Variants in NEK7 observed in about 807,000 individuals in gnomAD.
NEK7 encodes the protein NIMA related kinase 7.
A neutral mutation model predicts 44.6 loss-of-function variants in NEK7; 18 were observed. The observed-to-expected ratio is 0.40, with a 90% CI of 0.28 to 0.60. The LOEUF (loss-of-function observed/expected upper bound fraction) is 0.60, where lower values mean the gene tolerates loss of function less well. NEK7 is among the 20% of genes least tolerant of loss of function. The pLI is 0.38. For missense variants in NEK7, 256 were observed against 366.5 expected (o/e 0.70, Z 2.46); for synonymous variants, 130 against 121.1 (o/e 1.07, Z -0.48).
intron 8 of NEK7, among the ~76,000 whole-genome samples, chr1:198,294,316 A>G (rs1273798449): frequency 6.6e-6 from 1 of 152,018 alleles, no homozygotes; most frequent in Non-Finnish European, 1.5e-5. Flanking sequence ...ACTGTGTTAT[A>G]TTTTGTTAAT....
At chr1:198,195,515 T>C (rs1024908588) in intron 1 of NEK7, among the ~76,000 whole-genome samples, 2 of 152,190 alleles carry the variant, frequency 1.3e-5, no homozygotes, top group Non-Finnish European at 2.9e-5. Context: ...TTTTAACTTG[T>C]CTTTGAAATT....
At chr1:198,213,750 A>G (rs1397666182) in intron 1 of NEK7, among the ~76,000 whole-genome samples, 1 of 152,040 alleles carries the variant, frequency 6.6e-6, no homozygotes, top group African/African-American at 2.4e-5. Flanking sequence ...GAAAGATGTC[A>G]GTGGATTTCA....
chr1:198,184,460 A>C (rs1307127416), intron 1 of NEK7, among the ~76,000 whole-genome samples: 1 of 152,228 alleles, frequency 6.6e-6, no homozygotes, highest in African/African-American at 2.4e-5. Flanking sequence ...TTAAATAGTC[A>C]AACTGCTTAC....
intron 3 of NEK7, 113 bp from the exon 4 acceptor site, chr1:198,262,458 CAGAA>C (rs1241995501): frequency 4.8e-6 from 3 of 622,420 alleles, no homozygotes; most frequent in African/African-American, 1.9e-5. Context: ...AAAAGCTAAT[CAGAA>C]AGAAAATTCC....
Position 198,243,207 on chromosome 1 carries a change from C to T in NEK7, c.58-9833C>T, listed in dbSNP as rs146892780. Among the ~76,000 whole-genome samples, 222 of 152,296 alleles carry T rather than the reference C, an allele frequency of 1.5e-3. 1 individual carries two copies. The highest frequency in any genetic ancestry group is 5.1e-3 in the African/African-American group (214 of 41,556). On this transcript the variant is annotated intron_variant, in intron 2 of 9. Transcript: ENST00000367385. ...CCCTAAATTAACCAACCTAAAATAA[C>T]TATCCACTGGTTTTCTGTCACATTC...
intron 1 of NEK7, among the ~76,000 whole-genome samples, chr1:198,221,499 C>G (rs1285049767): frequency 6.6e-6 from 1 of 150,868 alleles, no homozygotes; most frequent in African/African-American, 2.4e-5. Context: ...TAAAATGCAC[C>G]AATGATTTTT....
At chr1:198,244,926 T>C (rs1344367021) in intron 2 of NEK7, among the ~76,000 whole-genome samples, 1 of 152,178 alleles carries the variant, frequency 6.6e-6, no homozygotes, top group East Asian at 1.9e-4. Flanking sequence ...TTTGTGCAGC[T>C]GAAAACCTGT....
chr1:198,212,902 C>T (rs2102822786), intron 1 of NEK7, among the ~76,000 whole-genome samples: 1 of 152,254 alleles, frequency 6.6e-6, no homozygotes, highest in South Asian at 2.1e-4. Context: ...TCATCATTGC[C>T]TGAGTCATTC....
At chr1:198,181,239 G>T (rs528748882) in intron 1 of NEK7, among the ~76,000 whole-genome samples, 6 of 151,962 alleles carry the variant, frequency 3.9e-5, no homozygotes, top group South Asian at 4.2e-4. Context: ...AAAACTTCTT[G>T]GTGTTTTTGA....
chr1:198,225,537 A>G (rs1666194355), intron 1 of NEK7, among the ~76,000 whole-genome samples: 1 of 151,780 alleles, frequency 6.6e-6, no homozygotes, highest in Admixed American at 6.6e-5. Context: ...AAGATAGTGA[A>G]CTTCTCTCTC....
chr1:198,256,585 C>T (rs1457229216), intron 3 of NEK7: 3 of 1,349,840 alleles, frequency 2.2e-6, no homozygotes, highest in Non-Finnish European at 3.0e-6. Context: ...TCCCTTCCTG[C>T]TGATCATTGA....
chr1:198,160,229 C>G (rs900554041), intron 1 of NEK7, among the ~76,000 whole-genome samples: 1 of 151,764 alleles, frequency 6.6e-6, no homozygotes, highest in Non-Finnish European at 1.5e-5. Context: ...AGAGCAGGGC[C>G]CAGTTAAGTG....
At chr1:198,317,950 T>C (rs897804431) in intron 9 of NEK7, among the ~76,000 whole-genome samples, 1 of 145,058 alleles carries the variant, frequency 6.9e-6, no homozygotes, top group South Asian at 2.3e-4. Context: ...TTCTCTTAGA[T>C]CACCATAATA....
At chr1:198,192,782 T>C (rs954023717) in intron 1 of NEK7, among the ~76,000 whole-genome samples, 2 of 151,992 alleles carry the variant, frequency 1.3e-5, no homozygotes, top group African/African-American at 4.8e-5. Flanking sequence ...AGAGACAACA[T>C]GTGAGAATCT....
chr1:198,245,318 G>C (rs1324728223), intron 2 of NEK7: 1 of 169,260 alleles, frequency 5.9e-6, no homozygotes, highest in Non-Finnish European at 1.5e-5. Flanking sequence ...GTATAAACGA[G>C]TAATTAAAAG....
intron 1 of NEK7, among the ~76,000 whole-genome samples, chr1:198,183,637 C>CT (rs1278442519): frequency 1.3e-5 from 2 of 152,028 alleles, no homozygotes. Context: ...CAAATTTCTG[C>CT]TGCTTTTTTT....
intron 7 of NEK7, among the ~76,000 whole-genome samples, chr1:198,288,355 A>T (rs887117230): frequency 1.3e-5 from 2 of 152,252 alleles, no homozygotes. Context: ...GCGTAGCTGC[A>T]GAGTAGCATA....
At chr1:198,231,301 G>GTA (rs749263549) in intron 1 of NEK7, among the ~76,000 whole-genome samples, 5,472 of 86,674 alleles carry the variant, frequency 0.063, 135 homozygotes, top group Non-Finnish European at 0.084. Context: ...ATGTGTGTGT[G>GTA]TATATATATA....
intron 5 of NEK7, among the ~76,000 whole-genome samples, chr1:198,265,345 C>G (rs1653614316): frequency 6.6e-6 from 1 of 152,080 alleles, no homozygotes. Flanking sequence ...ACAAGAATAA[C>G]CGAATGAGAA....
Sources: allele counts gnomAD v4.1 joint callset (sites outside exome capture counted in the v4.1 genomes callset), GRCh38; gene constraint gnomAD v4.1.1; transcripts MANE v1.5; gene names NCBI Gene and HGNC (gene_info 2026-07-23, HGNC 2026-07-21).